The following TBC1D14 variants were observed in gnomAD, a reference collection of about 807,000 sequenced individuals.
TBC1D14 encodes TBC1 domain family member 14.
Under a neutral mutation model 79.0 loss-of-function variants are expected in TBC1D14, and 26 were observed. The observed-to-expected ratio is 0.33, with a 90% CI of 0.24 to 0.46. The LOEUF is 0.46. Ranked by LOEUF, TBC1D14 falls within the 20% of genes least tolerant of loss-of-function variation. The pLI is 1.00. For synonymous variants in TBC1D14, 394 were observed against 349.9 expected (o/e 1.13, Z -1.40); for missense variants, 769 against 887.6 (o/e 0.87, Z 1.70).
At chr4:7,007,035 G>A (rs558813729) in intron 9 of TBC1D14, among the ~76,000 whole-genome samples, 25 of 152,280 alleles carry the variant, frequency 1.6e-4, no homozygotes, top group Admixed American at 1.2e-3. Context: ...GTCTGCTGGC[G>A]CTTTCTTGGA....
At chr4:7,021,128 C>G (rs1419532766) in intron 12 of TBC1D14, among the ~76,000 whole-genome samples, 1 of 152,194 alleles carries the variant, frequency 6.6e-6, no homozygotes, top group Non-Finnish European at 1.5e-5. Context: ...CTAGCAAGCT[C>G]AGACAAGCAG....
At chr4:7,001,454 G>T in intron 7 of TBC1D14, 1 of 543,752 alleles carries the variant, frequency 1.8e-6, no homozygotes, top group Non-Finnish European at 3.3e-6. Flanking sequence ...ACAGCTCAGC[G>T]CAGGAGCTCT....
Position 6,923,671 on chromosome 4 carries a change from C to T in TBC1D14, c.282C>T (p.Asp94=). ...TGAGGAGGAAGCAGTCCGACTCCGA[C>T]CTCATCCCCGAGCGGGCCTTCCAGA... is the stretch of plus-strand genomic sequence containing the variant. The part of the protein sequence containing the change: ...VHVRRKQSDS[D]LIPERAFQSA... Residue 94 remains aspartate, a synonymous_variant, in exon 2 of 14, where the codon GAC becomes GAT. Coordinates refer to ENST00000409757, the MANE Select transcript of TBC1D14 (RefSeq NM_020773.3). The T allele has an allele frequency of 6.2e-7, 1 of 1,613,840 alleles. No homozygotes were observed. Among genetic ancestry groups the T allele is most frequent in the Non-Finnish European group, 8.5e-7 (1 of 1,180,026 alleles).
intron 2 of TBC1D14, among the ~76,000 whole-genome samples, chr4:6,939,558 G>T (rs776559405): frequency 6.6e-6 from 1 of 152,116 alleles, no homozygotes; most frequent in Non-Finnish European, 1.5e-5. Flanking sequence ...CCGAGGACCC[G>T]GTCCTGGGGA....
intron 12 of TBC1D14, among the ~76,000 whole-genome samples, chr4:7,016,656 G>A (rs1721312560): frequency 6.6e-6 from 1 of 152,240 alleles, no homozygotes; most frequent in Admixed American, 6.5e-5. Flanking sequence ...ACGTACGTAT[G>A]CTGGGAACGG....
intron 3 of TBC1D14, among the ~76,000 whole-genome samples, chr4:6,982,510 G>A (rs1717470810): frequency 6.6e-6 from 1 of 152,172 alleles, no homozygotes; most frequent in Non-Finnish European, 1.5e-5. Context: ...TATCTTGATT[G>A]TCATAATGGT....
At chr4:6,974,754 C>G (rs531134912) in intron 3 of TBC1D14, among the ~76,000 whole-genome samples, 2 of 152,084 alleles carry the variant, frequency 1.3e-5, no homozygotes, top group African/African-American at 4.8e-5. Context: ...TTCAGAGTTT[C>G]TTAACACAAT....
chr4:6,911,973 T>C (rs1355239978), intron 1 of TBC1D14, among the ~76,000 whole-genome samples: 1 of 152,138 alleles, frequency 6.6e-6, no homozygotes, highest in African/African-American at 2.4e-5. Context: ...TTTTTAGAGA[T>C]GGGGTCATGG....
intron 2 of TBC1D14, among the ~76,000 whole-genome samples, chr4:6,942,202 CAT>C (rs1491246401): frequency 1.6e-4 from 25 of 152,014 alleles, no homozygotes; most frequent in Middle Eastern, 3.4e-3. Context: ...AATATTTACA[CAT>C]CTTTTTTATT....
At chr4:7,005,325 G>A (rs1456583056) in intron 8 of TBC1D14, among the ~76,000 whole-genome samples, 2 of 152,166 alleles carry the variant, frequency 1.3e-5, no homozygotes, top group African/African-American at 4.8e-5. Flanking sequence ...CACAAGGTCA[G>A]GAGTTCGAGA....
At chr4:7,029,673 A>C (rs959512689) in intron 13 of TBC1D14, among the ~76,000 whole-genome samples, 2 of 152,170 alleles carry the variant, frequency 1.3e-5, no homozygotes, top group African/African-American at 4.8e-5. Context: ...AAAAATACAA[A>C]AATTAGCCAG....
chr4:7,017,027 G>A (rs781330772), intron 12 of TBC1D14, among the ~76,000 whole-genome samples: 9 of 152,174 alleles, frequency 5.9e-5, no homozygotes, highest in Non-Finnish European at 8.8e-5. Context: ...AGGGCGGGGT[G>A]CACTAGCTCA....
intron 3 of TBC1D14, among the ~76,000 whole-genome samples, chr4:6,974,175 C>T (rs1338006093): frequency 4.6e-5 from 7 of 152,164 alleles, no homozygotes; most frequent in Non-Finnish European, 1.0e-4. Context: ...TGTCCTCTTG[C>T]ACCCCAGCCC....
chr4:7,028,099 TCA>T (rs892196043), intron 13 of TBC1D14, among the ~76,000 whole-genome samples: 3 of 132,898 alleles, frequency 2.3e-5, no homozygotes, highest in African/African-American at 8.5e-5. Flanking sequence ...CATACACCTA[TCA>T]CAGCCCCACA....
chr4:6,949,425 A>G (rs1009578839), intron 2 of TBC1D14, among the ~76,000 whole-genome samples: 2 of 151,736 alleles, frequency 1.3e-5, no homozygotes, highest in Non-Finnish European at 2.9e-5. Flanking sequence ...GCTCACGCCT[A>G]TAATCCCAGC....
chr4:7,029,724 C>T lies in TBC1D14; in HGVS notation c.2017-603C>T, dbSNP rs968278220. Among the ~76,000 whole-genome samples, 2 of 152,182 alleles carry T rather than the reference C, an allele frequency of 1.3e-5. 1 individual carries two copies. Among genetic ancestry groups the T allele is most frequent in the South Asian group, 4.1e-4 (2 of 4,826 alleles). ...TCTGTATTCCCAGCTACTCAGGAGG[C>T]TGAGGCAGAAGAATCTCTTGAACCC... On this transcript the variant is annotated intron_variant, in intron 13 of 13. Transcript: ENST00000409757.
At chr4:6,987,324 G>A (rs181185690) in intron 3 of TBC1D14, 2 of 1,406,362 alleles carry the variant, frequency 1.4e-6, no homozygotes, top group Non-Finnish European at 1.9e-6. Flanking sequence ...CTCCGGCCGC[G>A]CGCCTCTAAG....
intron 7 of TBC1D14, among the ~76,000 whole-genome samples, chr4:7,002,574 T>C (rs1423880912): frequency 6.6e-6 from 1 of 152,196 alleles, no homozygotes; most frequent in African/African-American, 2.4e-5. Flanking sequence ...TTGTGTACAT[T>C]GTGTCTGTCT....
chr4:6,987,704 A>C, intron 3 of TBC1D14: 1 of 291,830 alleles, frequency 3.4e-6, no homozygotes, highest in Non-Finnish European at 6.3e-6. Flanking sequence ...CAGCCCCCTT[A>C]GAGGTCAGAA....
Sources: gnomAD v4.1 joint callset for allele counts (sites outside exome capture counted in the v4.1 genomes callset) on GRCh38, gnomAD v4.1.1 for gene constraint, MANE v1.5 for transcripts, NCBI Gene and HGNC (gene_info 2026-07-23, HGNC 2026-07-21) for gene names.